Variants in ATRNL1 observed in about 807,000 individuals in gnomAD.
The protein encoded by ATRNL1 is attractin-like protein 1.
In ATRNL1, 95 loss-of-function variants were observed where a neutral mutation model predicts 182.7. That is an observed-to-expected ratio of 0.52 (90% CI 0.44 to 0.62). The LOEUF (loss-of-function observed/expected upper bound fraction) is 0.62. Ranked by LOEUF, ATRNL1 falls within the 20% of genes least tolerant of loss-of-function variation. The pLI is 0.00. For missense variants in ATRNL1, 1,471 were observed against 1,679.5 expected, an observed-to-expected ratio of 0.88 and a Z score of 2.17; for synonymous variants, 576 against 568.3, an observed-to-expected ratio of 1.01 and a Z score of -0.19.
chr10:115,351,200 A>C (rs1856233297), intron 19 of ATRNL1, among the ~76,000 whole-genome samples: 1 of 151,986 alleles, frequency 6.6e-6, no homozygotes, highest in African/African-American at 2.4e-5. Flanking sequence ...AACAAGGATA[A>C]TTTTACTTTC....
intron 5 of ATRNL1, among the ~76,000 whole-genome samples, chr10:115,154,277 G>A (rs1592179051): frequency 7.0e-6 from 1 of 142,348 alleles, no homozygotes; most frequent in Admixed American, 6.8e-5. Context: ...TTAACCTTCT[G>A]TCTCATTGAT....
At chr10:115,753,341 AC>A (rs11341538) in intron 27 of ATRNL1, among the ~76,000 whole-genome samples, 144,351 of 151,952 alleles carry the variant, frequency 0.95, 68,991 homozygotes, top group East Asian at 1. Flanking sequence ...TCATTCCCCA[AC>A]AGGCCCCAGT....
intron 6 of ATRNL1, among the ~76,000 whole-genome samples, chr10:115,160,509 A>G (rs782628109): frequency 8.8e-5 from 1 of 11,330 alleles, no homozygotes; most frequent in Non-Finnish European, 1.6e-4. Context: ...GATAAAATGA[A>G]TCAAATGAAT....
At chr10:115,935,629 G>A (rs1053945518) in intron 28 of ATRNL1, among the ~76,000 whole-genome samples, 31 of 152,126 alleles carry the variant, frequency 2.0e-4, no homozygotes, top group African/African-American at 5.1e-4. Flanking sequence ...TCATTTAACC[G>A]CTCCGTGCCT....
At chr10:115,455,707 A>G (rs1298272042) in intron 21 of ATRNL1, among the ~76,000 whole-genome samples, 7 of 152,192 alleles carry the variant, frequency 4.6e-5, no homozygotes, top group Admixed American at 3.9e-4. Context: ...CAGCCTACAG[A>G]ATGGGAGAAA....
At chr10:115,444,419 T>A (rs1554966245) in intron 21 of ATRNL1, among the ~76,000 whole-genome samples, 1 of 152,098 alleles carries the variant, frequency 6.6e-6, no homozygotes, top group African/African-American at 2.4e-5. Flanking sequence ...CATATCTGGC[T>A]ACATTACTGA....
chr10:115,193,299 C>A (rs1848235879), intron 8 of ATRNL1, among the ~76,000 whole-genome samples: 1 of 151,940 alleles, frequency 6.6e-6, no homozygotes, highest in Admixed American at 6.6e-5. Flanking sequence ...TGCATTTTGG[C>A]ATCAATTGAA....
intron 18 of ATRNL1, among the ~76,000 whole-genome samples, chr10:115,326,897 C>A (rs1299648443): frequency 6.6e-6 from 1 of 152,190 alleles, no homozygotes; most frequent in African/African-American, 2.4e-5. Context: ...AAAGCTGAAA[C>A]TGGATCCCTT....
At chr10:115,486,595 T>G (rs549720978) in intron 24 of ATRNL1, among the ~76,000 whole-genome samples, 1 of 152,202 alleles carries the variant, frequency 6.6e-6, no homozygotes, top group East Asian at 1.9e-4. Flanking sequence ...GATGGGGTTG[T>G]TTTTTTCTTG....
intron 8 of ATRNL1, among the ~76,000 whole-genome samples, chr10:115,209,937 T>A (rs1848956739): frequency 6.6e-6 from 1 of 152,022 alleles, no homozygotes; most frequent in East Asian, 1.9e-4. Context: ...ACTTATGAAT[T>A]CCTTGCCTGA....
intron 20 of ATRNL1, among the ~76,000 whole-genome samples, chr10:115,403,695 G>T (rs570351268): frequency 6.6e-6 from 1 of 152,064 alleles, no homozygotes; most frequent in African/African-American, 2.4e-5. Flanking sequence ...CAAGTGATCC[G>T]TCCACCTTGG....
rs144893214 is a variant in ATRNL1, at chr10:115,837,960, A to G, written c.3904-9917A>G. ...TTGCATTTGCAAGTGATTCTACCTA[A>G]TATAAAATTGTATTTAAACAACTAC... is the stretch of plus-strand genomic sequence containing the variant. On this transcript the variant is annotated intron_variant, in intron 27 of 28. Transcript: ENST00000355044. Among the ~76,000 whole-genome samples, 1,517 of 152,284 alleles carry G rather than the reference A, an allele frequency of 1.0e-2. 31 individuals are homozygous for G. The highest frequency in any genetic ancestry group is 0.035 in the African/African-American group (1,437 of 41,568).
At chr10:115,631,350 A>G (rs1416154599) in intron 26 of ATRNL1, among the ~76,000 whole-genome samples, 1 of 152,148 alleles carries the variant, frequency 6.6e-6, no homozygotes, top group African/African-American at 2.4e-5. Context: ...TTTTATAAAA[A>G]TAAATTGACA....
chr10:115,611,562 A>G (rs1319483493), intron 26 of ATRNL1, among the ~76,000 whole-genome samples: 1 of 152,142 alleles, frequency 6.6e-6, no homozygotes, highest in East Asian at 1.9e-4. Context: ...TACTGTGAAG[A>G]TATTTGTAGT....
intron 26 of ATRNL1, among the ~76,000 whole-genome samples, chr10:115,654,712 AT>A (rs1463378932): frequency 6.6e-6 from 1 of 152,166 alleles, no homozygotes; most frequent in Non-Finnish European, 1.5e-5. Flanking sequence ...TTGATGGGAA[AT>A]AGGGTCATTT....
At chr10:115,910,443 C>T (rs1176094976) in intron 28 of ATRNL1, among the ~76,000 whole-genome samples, 1 of 152,168 alleles carries the variant, frequency 6.6e-6, no homozygotes, top group Non-Finnish European at 1.5e-5. Flanking sequence ...GTCACACCTC[C>T]TGACCACTAT....
intron 22 of ATRNL1, among the ~76,000 whole-genome samples, chr10:115,462,589 C>T (rs759292239): frequency 4.6e-5 from 7 of 151,920 alleles, no homozygotes; most frequent in African/African-American, 9.7e-5. Flanking sequence ...TCCAGCCTGG[C>T]GACAGAGTGA....
intron 25 of ATRNL1, among the ~76,000 whole-genome samples, chr10:115,546,532 A>G (rs1295629070): frequency 6.6e-6 from 1 of 150,880 alleles, no homozygotes; most frequent in African/African-American, 2.4e-5. Flanking sequence ...ACCCCACTGC[A>G]CTCCAGCCTG....
At chr10:115,864,842 C>T (rs1289235001) in intron 28 of ATRNL1, among the ~76,000 whole-genome samples, 2 of 151,990 alleles carry the variant, frequency 1.3e-5, no homozygotes, top group Non-Finnish European at 1.5e-5. Context: ...ATTAGCCAGG[C>T]GTGGTGGCAG....
Sources: allele counts gnomAD v4.1 joint callset (sites outside exome capture counted in the v4.1 genomes callset), GRCh38; gene constraint gnomAD v4.1.1; transcripts MANE v1.5; gene names NCBI Gene and HGNC (gene_info 2026-07-23, HGNC 2026-07-21).